The following MOCOS variants were observed in gnomAD, a reference collection of about 807,000 sequenced individuals.
MOCOS encodes human molybdenum cofactor sulfurase.
A neutral mutation model predicts 83.6 loss-of-function variants in MOCOS; 86 were observed. The ratio of observed to expected loss-of-function variants is 1.03; its 90% CI spans 0.86 to 1.23. The LOEUF (loss-of-function observed/expected upper bound fraction) is 1.23, where lower values mean the gene tolerates loss of function less well. MOCOS is among the 50% of genes most tolerant of loss of function. The pLI is 0.00. For synonymous variants in MOCOS, 445 were observed against 434.7 expected (o/e 1.02, Z -0.29); for missense variants, 1,120 against 1,126.9 (o/e 0.99, Z 0.09).
chr18:36,203,825 C>G (rs532851942), intron 5 of MOCOS, among the ~76,000 whole-genome samples: 2 of 152,308 alleles, frequency 1.3e-5, no homozygotes, highest in East Asian at 3.9e-4. Flanking sequence ...GAGGGTCGCC[C>G]TGATGGCAAT....
In MOCOS at chr18:36,269,001, C is replaced by G. The variant is rs2091690961; in HGVS notation, c.*316C>G. 3 of 339,938 alleles carry G rather than the reference C, an allele frequency of 8.8e-6. No homozygotes were observed. Among genetic ancestry groups the G allele is most frequent in the Non-Finnish European group, 1.6e-5 (3 of 183,690 alleles). 21.1% of individuals were successfully genotyped at this position (339,938 alleles called of 1,614,324 possible). Reference sequence around the variant, plus strand: ...AATGAAGTTCACTGGGAAGATTGAACTTACTGCGGGTCCCTATTTTGCCAT... The same window carrying G: ...AATGAAGTTCACTGGGAAGATTGAAGTTACTGCGGGTCCCTATTTTGCCAT... On this transcript the variant is annotated 3_prime_UTR_variant, in exon 15 of 15. Coordinates refer to ENST00000261326, the MANE Select transcript of MOCOS (RefSeq NM_017947.4).
In MOCOS at chr18:36,249,131, T is replaced by C. The variant is rs978912784; in HGVS notation, c.2039+131T>C. The C allele has an allele frequency of 1.4e-5, 11 of 795,866 alleles. 1 individual carries two copies. Among genetic ancestry groups the C allele is most frequent in the Admixed American group, 6.0e-5 (3 of 49,918 alleles). 49.3% of individuals were successfully genotyped at this position (795,866 alleles called of 1,614,324 possible). A position where few individuals can be genotyped will look rare whatever the true frequency, so the allele number is the denominator to read the frequency against. ...AGTTGCTGTCCATTTCTCCCTTGCA[T>C]GCTTCTCTCTAACCACACTCTTGGC... On this transcript the variant is annotated intron_variant, in intron 10 of 14. Coordinates refer to ENST00000261326, the MANE Select transcript of MOCOS (RefSeq NM_017947.4).
chr18:36,210,303 C>T (rs942689462), intron 6 of MOCOS, among the ~76,000 whole-genome samples: 4 of 152,228 alleles, frequency 2.6e-5, no homozygotes, highest in Admixed American at 1.3e-4. Flanking sequence ...GGGGAGATGT[C>T]GGTCCTCACT....
chr18:36,245,894 C>A (rs2144134140), intron 9 of MOCOS, among the ~76,000 whole-genome samples: 1 of 152,176 alleles, frequency 6.6e-6, no homozygotes, highest in Middle Eastern at 3.4e-3. Flanking sequence ...GAAGTTCTTT[C>A]TTCTACTTTT....
In MOCOS at chr18:36,266,863, A is replaced by G. The variant is rs776929586; in HGVS notation, c.2514+10A>G. ...GAGTCGTGAAACAAAGGTAAGCGTG[A>G]TTGCAAAATATGACACCTGGTTTCC... On this transcript the variant is annotated intron_variant, in intron 14 of 14. Transcript: ENST00000261326. 5 of 1,602,104 alleles carry G rather than the reference A, an allele frequency of 3.1e-6. No homozygotes were observed. The South Asian group carries it at 5.5e-5, about 18-fold the overall frequency.
At chr18:36,221,315 C>G (rs2091495086) in intron 9 of MOCOS, among the ~76,000 whole-genome samples, 1 of 152,220 alleles carries the variant, frequency 6.6e-6, no homozygotes, top group Non-Finnish European at 1.5e-5. Context: ...TACACAATTA[C>G]AGCATTCAAT....
At chr18:36,257,395 C>A (rs2091645647) in intron 12 of MOCOS, among the ~76,000 whole-genome samples, 1 of 152,204 alleles carries the variant, frequency 6.6e-6, no homozygotes, top group Admixed American at 6.5e-5. Flanking sequence ...ACTTGACTAA[C>A]TTTTATTGCC....
intron 8 of MOCOS, 61 bp downstream of exon 8, chr18:36,216,038 T>C (rs925312850): frequency 1.1e-5 from 16 of 1,489,096 alleles, no homozygotes; most frequent in East Asian, 2.3e-5. Flanking sequence ...TATTTTTTGA[T>C]AAAGTGAAGA....
intron 8 of MOCOS, among the ~76,000 whole-genome samples, chr18:36,218,839 T>TTATTTATTTATA (rs2091484719): frequency 9.5e-6 from 1 of 105,658 alleles, no homozygotes; most frequent in Non-Finnish European, 2.0e-5. Context: ...TTATTTTATT[T>TTATTTATTTATA]TATTTATTTA....
intron 1 of MOCOS, among the ~76,000 whole-genome samples, chr18:36,190,886 A>T (rs1410856614): frequency 2.0e-5 from 3 of 151,880 alleles, no homozygotes; most frequent in Admixed American, 6.6e-5. Context: ...AATATAAAAA[A>T]ATTAGCCCGG....
chr18:36,205,963 CTCCTGACCTCAAGT>C (rs2091433348), intron 6 of MOCOS, among the ~76,000 whole-genome samples: 1 of 152,182 alleles, frequency 6.6e-6, no homozygotes, highest in Non-Finnish European at 1.5e-5. Flanking sequence ...TGGTCTCAAA[CTCCTGACCTCAAGT>C]GATCCACCTG....
At position 36,252,752 on chromosome 18, in the gene MOCOS, G is replaced by A. The variant is rs2091626729; in HGVS notation, c.2164+1469G>A. 2.0e-5 allele frequency among the ~76,000 whole-genome samples: 3 copies of A among 152,210 alleles called. No homozygotes were observed. In the South Asian group the frequency reaches 6.2e-4, roughly 32 times the overall value. On this transcript the variant is annotated intron_variant, in intron 11 of 14. Coordinates refer to ENST00000261326, the MANE Select transcript of MOCOS (RefSeq NM_017947.4). ...TTTCTAAAACATAAATAAACCAAAT[G>A]GCATTTGACCATATATGGACTGAAA... is the stretch of plus-strand genomic sequence containing the variant.
intron 1 of MOCOS, among the ~76,000 whole-genome samples, chr18:36,188,259 A>G (rs1238931103): frequency 6.6e-6 from 1 of 152,272 alleles, no homozygotes; most frequent in Non-Finnish European, 1.5e-5. Flanking sequence ...TTACAGCGTC[A>G]GAACAATCCC....
At chr18:36,209,741 G>C (rs868307870) in intron 6 of MOCOS, among the ~76,000 whole-genome samples, 3 of 151,908 alleles carry the variant, frequency 2.0e-5, no homozygotes, top group Non-Finnish European at 4.4e-5. Context: ...CTCATTGGTT[G>C]ATGGGCATTG....
In MOCOS at chr18:36,199,837, C is replaced by T. The variant is rs2091404605; in HGVS notation, c.454C>T (p.His152Tyr). 1 of 1,614,154 alleles carries T rather than the reference C, an allele frequency of 6.2e-7. No individual in the cohort carries two copies. Among genetic ancestry groups the T allele is most frequent in the Non-Finnish European group, 8.5e-7 (1 of 1,180,036 alleles). Residue 152 changes from histidine to tyrosine, a missense_variant, in exon 4 of 15, where the codon CAC becomes TAC. Coordinates refer to ENST00000261326, the MANE Select transcript of MOCOS (RefSeq NM_017947.4). The stretch of plus-strand genomic sequence containing the variant: ...TCGCTTCTGTTACCTCACCGACAGC[C>T]ACACCTCCGTAGTGGGTATGCGGAA... ...GSRFCYLTDS[H>Y]TSVVGMRNVT...
intron 9 of MOCOS, among the ~76,000 whole-genome samples, chr18:36,221,585 G>A (rs2091495938): frequency 6.7e-6 from 1 of 149,804 alleles, no homozygotes; most frequent in South Asian, 2.2e-4. Flanking sequence ...ATTCACGATT[G>A]TGTTTCTTGG....
At chr18:36,232,944 G>C (rs550033446) in intron 9 of MOCOS, among the ~76,000 whole-genome samples, 3 of 151,000 alleles carry the variant, frequency 2.0e-5, no homozygotes, top group African/African-American at 7.3e-5. Context: ...TCCATAACTT[G>C]GCTACTGTGA....
intron 11 of MOCOS, among the ~76,000 whole-genome samples, chr18:36,251,759 C>T (rs951576775): frequency 8.5e-5 from 13 of 152,134 alleles, no homozygotes; most frequent in African/African-American, 3.1e-4. Flanking sequence ...TTTTTCCCAC[C>T]TTAAGCCATT....
At chr18:36,249,055 G>A (rs1472845861) in intron 10 of MOCOS, 55 bp downstream of exon 10, 1 of 1,460,910 alleles carries the variant, frequency 6.8e-7, no homozygotes, top group Admixed American at 1.7e-5. Flanking sequence ...TGGCACAGAG[G>A]GGGAAGAGGG....
Sources: allele counts gnomAD v4.1 joint callset (sites outside exome capture counted in the v4.1 genomes callset), GRCh38; gene constraint gnomAD v4.1.1; transcripts MANE v1.5; gene names NCBI Gene and HGNC (gene_info 2026-07-23, HGNC 2026-07-21).